CSMD1: variants seen among roughly 807,000 people sequenced by gnomAD.
CSMD1 encodes CUB and sushi domain-containing protein 1.
CSMD1 carries 213 observed loss-of-function variants against 417.5 expected under a neutral mutation model. That is an observed-to-expected ratio of 0.51 (90% confidence interval 0.46 to 0.57). CSMD1 has a LOEUF of 0.57. Ranked by LOEUF, CSMD1 falls within the 20% of genes least tolerant of loss-of-function variation. CSMD1 has a pLI of 0.00. For missense variants in CSMD1, 6,923 were observed against 4,529.7 expected (o/e 1.53, Z -15.17); for synonymous variants, 2,862 against 1,736.8 (o/e 1.65, Z -16.11).
chr8:3,919,101 T>C (rs1809036791), intron 5 of CSMD1, among the ~76,000 whole-genome samples: 2 of 151,556 alleles, frequency 1.3e-5, no homozygotes, highest in Non-Finnish European at 2.9e-5. Context: ...TTGCAGATTG[T>C]TTCTTTTGCT....
chr8:3,481,668 A>G (rs1315908135), intron 11 of CSMD1, among the ~76,000 whole-genome samples: 1 of 152,184 alleles, frequency 6.6e-6, no homozygotes, highest in Non-Finnish European at 1.5e-5. Context: ...GTATCCATAT[A>G]AGAGAGAGGC....
chr8:4,131,960 T>G (rs929014073), intron 3 of CSMD1, among the ~76,000 whole-genome samples: 3 of 151,964 alleles, frequency 2.0e-5, no homozygotes, highest in Non-Finnish European at 4.4e-5. Flanking sequence ...GAGACCGGCT[T>G]TCACCATGTT....
At chr8:4,697,100 A>T (rs1807184182) in intron 1 of CSMD1, among the ~76,000 whole-genome samples, 1 of 152,122 alleles carries the variant, frequency 6.6e-6, no homozygotes, top group Admixed American at 6.5e-5. Context: ...TGAACCCAGG[A>T]GGGGGAGGTT....
chr8:4,912,138 AAAAG>A (rs200206152), intron 1 of CSMD1, among the ~76,000 whole-genome samples: 21,080 of 129,784 alleles, frequency 0.16, 1,596 homozygotes, highest in East Asian at 0.37. Context: ...AAAAAAAAAA[AAAAG>A]AAAGAAAGAA....
intron 3 of CSMD1, among the ~76,000 whole-genome samples, chr8:4,069,851 GTCT>G (rs1168626506): frequency 6.6e-6 from 1 of 152,042 alleles, no homozygotes; most frequent in Non-Finnish European, 1.5e-5. Flanking sequence ...TTCTACAAAA[GTCT>G]TCTATCCGGT....
intron 1 of CSMD1, among the ~76,000 whole-genome samples, chr8:4,786,822 G>A (rs1038735009): frequency 2.0e-5 from 3 of 151,774 alleles, no homozygotes; most frequent in Non-Finnish European, 4.4e-5. Context: ...AAAAGACTGA[G>A]GTCTACACAA....
intron 3 of CSMD1, among the ~76,000 whole-genome samples, chr8:4,057,965 G>T (rs6558837): frequency 2.0e-5 from 3 of 149,880 alleles, no homozygotes; most frequent in East Asian, 2.0e-4. Context: ...AGTCAGGTAG[G>T]GTGATGCCTC....
In CSMD1 at chr8:2,997,990, AT is replaced by A; in HGVS notation, c.8377+20del. ...AGAACACTCTCAGAGCAAAGGGCTC[AT>A]TCCTGGATGCTGTTCCTACCTCGAC... On this transcript the variant is annotated intron_variant, in intron 54 of 69. Coordinates refer to ENST00000635120, the MANE Select transcript of CSMD1 (RefSeq NM_033225.6). 1 of 1,608,510 alleles carries A rather than the reference AT, an allele frequency of 6.2e-7. No homozygotes were observed.
intron 3 of CSMD1, among the ~76,000 whole-genome samples, chr8:4,046,272 T>C (rs1194079330): frequency 2.6e-5 from 4 of 152,208 alleles, no homozygotes; most frequent in African/African-American, 9.6e-5. Flanking sequence ...TATTGAATTC[T>C]TGGCTGTTTC....
chr8:3,662,756 G>A (rs916289212), intron 7 of CSMD1, among the ~76,000 whole-genome samples: 3 of 151,918 alleles, frequency 2.0e-5, no homozygotes, highest in African/African-American at 2.4e-5. Flanking sequence ...ACCAAACCCC[G>A]CATGTTCTCA....
chr8:4,125,336 G>A (rs116625438), intron 3 of CSMD1, among the ~76,000 whole-genome samples: 2,893 of 152,280 alleles, frequency 0.019, 107 homozygotes, highest in African/African-American at 0.066. Context: ...TCTAAAGAGC[G>A]CAACTGTTTG....
intron 1 of CSMD1, among the ~76,000 whole-genome samples, chr8:4,810,764 A>T (rs1269141202): frequency 2.0e-5 from 3 of 152,240 alleles, no homozygotes. Flanking sequence ...TAATTGAAAA[A>T]GCTGAAGAAA....
intron 25 of CSMD1, among the ~76,000 whole-genome samples, chr8:3,295,428 A>G (rs1347666258): frequency 6.6e-6 from 1 of 152,040 alleles, no homozygotes; most frequent in Non-Finnish European, 1.5e-5. Flanking sequence ...GCCCAGCCTC[A>G]ATTTGCTTTT....
At chr8:4,123,028 G>C (rs1290018929) in intron 3 of CSMD1, among the ~76,000 whole-genome samples, 1 of 152,214 alleles carries the variant, frequency 6.6e-6, no homozygotes, top group African/African-American at 2.4e-5. Context: ...ATTACAATCA[G>C]AGACTGGAAT....
At chr8:3,190,574 T>C (rs999738646) in intron 33 of CSMD1, among the ~76,000 whole-genome samples, 16 of 152,294 alleles carry the variant, frequency 1.1e-4, no homozygotes, top group African/African-American at 3.4e-4. Context: ...TGTTATAATA[T>C]GGCCATCGTG....
At chr8:4,273,388 A>C (rs192456998) in intron 3 of CSMD1, among the ~76,000 whole-genome samples, 68 of 152,284 alleles carry the variant, frequency 4.5e-4, no homozygotes, top group African/African-American at 1.5e-3. Flanking sequence ...TCTGGATTTC[A>C]TATCAGATAA....
Position 3,623,220 on chromosome 8 carries a change from T to C in CSMD1, c.1010-6423A>G, listed in dbSNP as rs556221489. ...TTTTCAATGACTTTTTCAAAGCATG[T>C]TGATTTATAATACCTCATTAGATCT... is the stretch of plus-strand genomic sequence containing the variant. On this transcript the variant is annotated intron_variant, in intron 7 of 69. Coordinates refer to ENST00000635120, the MANE Select transcript of CSMD1 (RefSeq NM_033225.6). Among the ~76,000 whole-genome samples, 4 of 152,364 alleles carry C rather than the reference T, an allele frequency of 2.6e-5. No individual in the cohort carries two copies. In the East Asian group the frequency reaches 7.7e-4, roughly 29 times the overall value.
intron 7 of CSMD1, among the ~76,000 whole-genome samples, chr8:3,685,673 G>A (rs78753455): frequency 6.6e-6 from 1 of 152,234 alleles, no homozygotes; most frequent in Non-Finnish European, 1.5e-5. Flanking sequence ...TCTGAGGAAG[G>A]AAGTCAAAGA....
intron 5 of CSMD1, among the ~76,000 whole-genome samples, chr8:3,981,980 G>C (rs1813905691): frequency 2.0e-5 from 3 of 151,832 alleles, no homozygotes; most frequent in African/African-American, 7.3e-5. Context: ...GACCATCCTG[G>C]CTAACACGGT....
Sources: gnomAD v4.1 joint callset for allele counts (sites outside exome capture counted in the v4.1 genomes callset) on GRCh38, gnomAD v4.1.1 for gene constraint, MANE v1.5 for transcripts, NCBI Gene and HGNC (gene_info 2026-07-23, HGNC 2026-07-21) for gene names.